STK32A: variants seen among roughly 807,000 people sequenced by gnomAD.
STK32A encodes serine/threonine kinase 32A, also known as serine/threonine-protein kinase 32A.
Under a neutral mutation model 53.2 loss-of-function variants are expected in STK32A, and 41 were observed. The observed-to-expected ratio is 0.77, with a 90% CI of 0.60 to 1.00. The LOEUF (loss-of-function observed/expected upper bound fraction) is 1.00, where lower values mean the gene tolerates loss of function less well. Ranked by LOEUF, STK32A falls within the 50% of genes least tolerant of loss-of-function variation. STK32A has a pLI of 0.00. For missense variants in STK32A, 458 were observed against 485.8 expected, an observed-to-expected ratio of 0.94 and a Z score of 0.54; for synonymous variants, 166 against 162.8, an observed-to-expected ratio of 1.02 and a Z score of -0.15.
At chr5:147,363,271 T>C (rs1364051970) in intron 8 of STK32A, among the ~76,000 whole-genome samples, 1 of 152,026 alleles carries the variant, frequency 6.6e-6, no homozygotes, top group African/African-American at 2.4e-5. Context: ...TTCTATTATA[T>C]CTTAAAACTC....
downstream of STK32A, chr5:147,392,761 T>C (rs1326045942): frequency 6.6e-6 from 1 of 152,176 alleles, no homozygotes; most frequent in Non-Finnish European, 1.5e-5. Context: ...ATTCTAGGAC[T>C]GAGACACAAA....
At chr5:147,278,228 G>A (rs760496109) in intron 3 of STK32A, 49 bp downstream of exon 3, 19 of 1,444,330 alleles carry the variant, frequency 1.3e-5, no homozygotes, top group Non-Finnish European at 1.8e-5. Context: ...ATGTAGCCCA[G>A]GGAACAGAGG....
chr5:147,305,314 C>A (rs1483890450), intron 4 of STK32A, among the ~76,000 whole-genome samples: 1 of 152,106 alleles, frequency 6.6e-6, no homozygotes, highest in Non-Finnish European at 1.5e-5. Flanking sequence ...GGTTACCACA[C>A]GGAAACTGAA....
At chr5:147,319,855 G>C (rs1299699568) in intron 4 of STK32A, among the ~76,000 whole-genome samples, 1 of 152,008 alleles carries the variant, frequency 6.6e-6, no homozygotes, top group African/African-American at 2.4e-5. Context: ...GCTTTTCCTT[G>C]CTCAGAATGG....
Position 147,294,916 on chromosome 5 carries a change from C to T in STK32A, c.260+15518C>T, listed in dbSNP as rs967559673. Among the ~76,000 whole-genome samples the T allele has an allele frequency of 8.5e-5, 13 of 152,236 alleles. No individual in the cohort carries two copies. In the East Asian group the frequency reaches 1.5e-3, roughly 18 times the overall value. On this transcript the variant is annotated intron_variant, in intron 4 of 12. Transcript: ENST00000397936. ...GCCAGGGTGGTCTCGATCTCCTGAC[C>T]GCATGATCTGCCCGCCTCGGCCTCC...
At chr5:147,345,467 C>T (rs996738084) in intron 6 of STK32A, among the ~76,000 whole-genome samples, 5 of 152,196 alleles carry the variant, frequency 3.3e-5, no homozygotes, top group African/African-American at 1.2e-4. Context: ...TCTATGCTAA[C>T]ACATACCTAA....
At chr5:147,332,068 T>C (rs1561726276) in intron 5 of STK32A, among the ~76,000 whole-genome samples, 1 of 152,246 alleles carries the variant, frequency 6.6e-6, no homozygotes, top group Non-Finnish European at 1.5e-5. Context: ...TCTATTGTTT[T>C]CTTTGCTGCT....
intron 1 of STK32A, among the ~76,000 whole-genome samples, chr5:147,236,745 G>T (rs1753341335): frequency 6.6e-6 from 1 of 152,130 alleles, no homozygotes; most frequent in South Asian, 2.1e-4. Flanking sequence ...GAACAAAATT[G>T]TGTGCACATC....
intron 4 of STK32A, among the ~76,000 whole-genome samples, chr5:147,320,012 A>G (rs1311834422): frequency 1.3e-5 from 2 of 151,610 alleles, no homozygotes; most frequent in East Asian, 3.9e-4. Flanking sequence ...CAGTAGATAT[A>G]CTCACAGAGA....
At chr5:147,266,334 A>G (rs1290439645) in intron 2 of STK32A, among the ~76,000 whole-genome samples, 4 of 152,196 alleles carry the variant, frequency 2.6e-5, no homozygotes, top group Non-Finnish European at 5.9e-5. Context: ...CTGCAGAGAA[A>G]TCTGAAGCTG....
intron 9 of STK32A, 106 bp from the exon 10 acceptor site, chr5:147,373,063 A>G (rs542337143): frequency 6.2e-5 from 86 of 1,387,490 alleles, no homozygotes; most frequent in Non-Finnish European, 8.0e-5. Flanking sequence ...GACACTGTCT[A>G]TTTTCCTTCA....
intron 2 of STK32A, among the ~76,000 whole-genome samples, chr5:147,271,019 G>A (rs1415635797): frequency 2.0e-5 from 3 of 148,970 alleles, no homozygotes; most frequent in South Asian, 2.1e-4. Context: ...TTTTTTTGAC[G>A]GTGTCTTGCT....
chr5:147,342,298 GTGTGATAAAC>G (rs1396318815), intron 5 of STK32A, among the ~76,000 whole-genome samples: 13 of 152,256 alleles, frequency 8.5e-5, no homozygotes, highest in Middle Eastern at 3.4e-3. Flanking sequence ...AGAACCAAGT[GTGTGATAAAC>G]TGTGATAAAT....
intron 2 of STK32A, among the ~76,000 whole-genome samples, chr5:147,241,125 G>A (rs578135992): frequency 5.9e-5 from 9 of 152,306 alleles, no homozygotes; most frequent in South Asian, 2.1e-4. Flanking sequence ...GGACAACTAC[G>A]TCTGCTGTAG....
the STK32A span, chr5:147,395,747 C>T: frequency 1.2e-6 from 2 of 1,609,678 alleles, no homozygotes; most frequent in Admixed American, 3.4e-5. Context: ...AGCATGTCAC[C>T]ATTCATTCAT....
intron 4 of STK32A, among the ~76,000 whole-genome samples, chr5:147,283,206 A>G (rs1752148796): frequency 6.6e-6 from 1 of 152,220 alleles, no homozygotes. Context: ...TGGGTCAAAA[A>G]CAAAATCAAG....
rs142660127 is a variant in STK32A at position 147,277,755 on chromosome 5, G to A, written c.53-369G>A. ...TTGCTGCCTATGTCAAATTCTCTGT[G>A]ATATGTTCTTAGAGCCCCATGACCT... On this transcript the variant is annotated intron_variant, in intron 2 of 12. Transcript: ENST00000397936. Among the ~76,000 whole-genome samples, 350 of 152,286 alleles carry A rather than the reference G, an allele frequency of 2.3e-3. 1 individual carries two copies. Among genetic ancestry groups the A allele is most frequent in the African/African-American group, 8.1e-3 (336 of 41,558 alleles).
At chr5:147,359,086 T>C (rs1203458266) in intron 7 of STK32A, among the ~76,000 whole-genome samples, 1 of 152,168 alleles carries the variant, frequency 6.6e-6, no homozygotes, top group African/African-American at 2.4e-5. Context: ...AAATACATAA[T>C]GAGCAATACC....
At chr5:147,339,178 G>A (rs773535908) in intron 5 of STK32A, among the ~76,000 whole-genome samples, 85 of 152,188 alleles carry the variant, frequency 5.6e-4, no homozygotes, top group Non-Finnish European at 9.1e-4. Flanking sequence ...CCAGGGCCTT[G>A]CTGCTTTCGT....
Sources: gnomAD v4.1 joint callset for allele counts (sites outside exome capture counted in the v4.1 genomes callset) on GRCh38, gnomAD v4.1.1 for gene constraint, MANE v1.5 for transcripts, NCBI Gene and HGNC (gene_info 2026-07-23, HGNC 2026-07-21) for gene names.